The following POLR3B variants were observed in gnomAD, a reference collection of about 807,000 sequenced individuals.
The protein encoded by POLR3B is DNA-directed RNA polymerase III subunit RPC2.
In POLR3B, 96 loss-of-function variants were observed where a neutral mutation model predicts 147.4. That is an observed-to-expected ratio of 0.65 (90% CI 0.55 to 0.77). The LOEUF is 0.77. Among genes scored for constraint, POLR3B ranks in the 30% least tolerant of loss-of-function variants. The pLI is 0.00. For synonymous variants in POLR3B, 461 were observed against 485.9 expected (o/e 0.95, Z 0.67); for missense variants, 1,036 against 1,413.5 (o/e 0.73, Z 4.28).
At chr12:106,485,873 C>T (rs962522494) in intron 23 of POLR3B, among the ~76,000 whole-genome samples, 1 of 152,138 alleles carries the variant, frequency 6.6e-6, no homozygotes, top group Non-Finnish European at 1.5e-5. Context: ...CATTTGCATG[C>T]TGTTTATCTC....
chr12:106,448,142 T>C (rs186302406), intron 19 of POLR3B, among the ~76,000 whole-genome samples: 87 of 152,286 alleles, frequency 5.7e-4, no homozygotes, highest in Middle Eastern at 3.4e-3. Context: ...GAAATTATTT[T>C]TTGAATTCTG....
chr12:106,464,410 G>A (rs1247117569), intron 23 of POLR3B, among the ~76,000 whole-genome samples: 1 of 152,100 alleles, frequency 6.6e-6, no homozygotes, highest in African/African-American at 2.4e-5. Flanking sequence ...CAATTCTGGA[G>A]GGAGGTGGCA....
intron 16 of POLR3B, 111 bp from the exon 17 acceptor site, chr12:106,436,946 A>C: frequency 1.2e-6 from 1 of 813,436 alleles, no homozygotes; most frequent in South Asian, 1.4e-5. Flanking sequence ...GCAATCCAGG[A>C]ATAGGTTTGT....
chr12:106,477,841 T>TGGGAGCTGTAGAC (rs1321910041), intron 23 of POLR3B, among the ~76,000 whole-genome samples: 1 of 143,430 alleles, frequency 7.0e-6, no homozygotes, highest in Non-Finnish European at 1.5e-5. Flanking sequence ...GCTCACGGGC[T>TGGGAGCTGTAGAC]GGGAGCTGTA....
chr12:106,457,581 T>G (rs1454100340), intron 21 of POLR3B, among the ~76,000 whole-genome samples: 1 of 152,242 alleles, frequency 6.6e-6, no homozygotes, highest in Non-Finnish European at 1.5e-5. Context: ...TTTATGTCCC[T>G]GCATCTGCAC....
intron 12 of POLR3B, among the ~76,000 whole-genome samples, chr12:106,421,490 T>C (rs997029489): frequency 7.9e-5 from 12 of 152,194 alleles, no homozygotes; most frequent in African/African-American, 2.9e-4. Context: ...CCTTGTGGTC[T>C]TAATTTGCAT....
intron 2 of POLR3B, 150 bp from the exon 3 acceptor site, chr12:106,366,366 A>G: frequency 1.5e-6 from 1 of 677,580 alleles, no homozygotes; most frequent in Admixed American, 2.2e-5. Context: ...ATTAAATAAA[A>G]TTCATGGATT....
intron 20 of POLR3B, 70 bp from the exon 21 acceptor site, chr12:106,457,068 G>C: frequency 1.5e-6 from 2 of 1,324,706 alleles, no homozygotes; most frequent in South Asian, 2.4e-5. Context: ...TTGTTGAGTA[G>C]CACAAATCCA....
At chr12:106,471,720 C>T (rs1266228790) in intron 23 of POLR3B, among the ~76,000 whole-genome samples, 6 of 152,028 alleles carry the variant, frequency 3.9e-5, no homozygotes, top group Non-Finnish European at 8.8e-5. Flanking sequence ...GGTGAATTCA[C>T]AATGTATATG....
At chr12:106,477,395 G>A (rs1321149994) in intron 23 of POLR3B, among the ~76,000 whole-genome samples, 563 of 110,614 alleles carry the variant, frequency 5.1e-3, no homozygotes, top group African/African-American at 0.013. Context: ...GCTCCACCCA[G>A]TTCGAGCTTC....
intron 22 of POLR3B, among the ~76,000 whole-genome samples, chr12:106,460,200 A>C (rs1303145238): frequency 2.6e-5 from 4 of 152,162 alleles, no homozygotes; most frequent in African/African-American, 9.7e-5. Flanking sequence ...CGTTGCCTGC[A>C]ATGAGTCATA....
rs1029248463 is a variant in POLR3B at position 106,369,260 on chromosome 12, T to G, written c.228-15T>G. On this transcript the variant is annotated splice_polypyrimidine_tract_variant and intron_variant, in intron 4 of 27. Coordinates refer to ENST00000228347, the MANE Select transcript of POLR3B (RefSeq NM_018082.6). ...CGAAGAAGTATAATTCATACCGCAC[T>G]AATTTGCTTTTCAGATATCTTAATA... The G allele has an allele frequency of 7.0e-7, 1 of 1,436,514 alleles. No homozygotes were observed. The highest frequency in any genetic ancestry group is 9.8e-7 in the Non-Finnish European group (1 of 1,018,218). 89.0% of individuals were successfully genotyped at this position (1,436,514 alleles called of 1,614,324 possible).
intron 23 of POLR3B, among the ~76,000 whole-genome samples, chr12:106,468,891 G>A (rs1267586089): frequency 6.6e-6 from 1 of 152,186 alleles, no homozygotes; most frequent in East Asian, 1.9e-4. Flanking sequence ...TAAGTGCGAT[G>A]TGGTGCTGAG....
chr12:106,401,922 C>T (rs2037073977), intron 10 of POLR3B, among the ~76,000 whole-genome samples: 1 of 152,244 alleles, frequency 6.6e-6, no homozygotes, highest in Non-Finnish European at 1.5e-5. Context: ...TGCCCTCTCT[C>T]ACCACTCCTA....
chr12:106,361,331 A>G (rs369875123), intron 1 of POLR3B, among the ~76,000 whole-genome samples: 76 of 152,344 alleles, frequency 5.0e-4, no homozygotes, highest in African/African-American at 1.7e-3. Context: ...AAGAAGAGTC[A>G]GAAAGTTAGG....
chr12:106,486,287 C>CAAAAAAA (rs1195017160), intron 23 of POLR3B, among the ~76,000 whole-genome samples: 1 of 28,278 alleles, frequency 3.5e-5, no homozygotes, highest in African/African-American at 6.6e-5. Context: ...GACTCCGTCT[C>CAAAAAAA]AAAAAAAAAA....
At position 106,457,166 on chromosome 12, in the gene POLR3B, T is replaced by C; in HGVS notation, c.2322T>C (p.Asn774=). The C allele has an allele frequency of 6.2e-7, 1 of 1,613,640 alleles. No individual in the cohort carries two copies. The highest frequency in any genetic ancestry group is 8.5e-7 in the Non-Finnish European group (1 of 1,179,624). The change falls in exon 21 of 28, where the codon AAT becomes AAC. Residue 774 remains asparagine, a synonymous_variant. Transcript: ENST00000228347. ...TTGGGCGTTGCCTTGTATATAAAAA[T>C]GCTAAATGTACGTTGAAACGATACA... ...RGFGRCLVYK[N]AKCTLKRYTN... is the part of the protein sequence containing the mutation.
At chr12:106,404,277 G>C (rs1029917685) in intron 10 of POLR3B, among the ~76,000 whole-genome samples, 15 of 152,102 alleles carry the variant, frequency 9.9e-5, no homozygotes, top group Admixed American at 9.2e-4. Context: ...ATTTTTAGTA[G>C]AGACGGAGTT....
chr12:106,443,200 A>T (rs999046209), intron 18 of POLR3B, among the ~76,000 whole-genome samples: 1 of 152,232 alleles, frequency 6.6e-6, no homozygotes, highest in African/African-American at 2.4e-5. Flanking sequence ...TTTTCCTACT[A>T]TAAGTCCTCA....
Sources: allele counts gnomAD v4.1 joint callset (sites outside exome capture counted in the v4.1 genomes callset), GRCh38; gene constraint gnomAD v4.1.1; transcripts MANE v1.5; gene names NCBI Gene and HGNC (gene_info 2026-07-23, HGNC 2026-07-21).